TTLL10: variants seen among roughly 807,000 people sequenced by gnomAD.
The protein encoded by TTLL10 is tubulin tyrosine ligase like 10.
TTLL10 carries 61 observed loss-of-function variants against 69.0 expected under a neutral mutation model. The observed-to-expected ratio is 0.88, with a 90% CI of 0.72 to 1.09. The LOEUF (loss-of-function observed/expected upper bound fraction) is 1.09, where lower values mean the gene tolerates loss of function less well. Among genes scored for constraint, TTLL10 ranks in the 50% least tolerant of loss-of-function variants. The pLI is 0.00. For synonymous variants in TTLL10, 408 were observed against 393.3 expected, an observed-to-expected ratio of 1.04 and a Z score of -0.44; for missense variants, 962 against 945.9, an observed-to-expected ratio of 1.02 and a Z score of -0.22.
rs1258395443 is a variant in TTLL10, at chr1:1,181,701, C to T, written c.756-40C>T. The T allele has an allele frequency of 1.3e-6, 2 of 1,553,274 alleles. No individual in the cohort carries two copies. Among genetic ancestry groups the T allele is most frequent in the South Asian group, 2.4e-5 (2 of 84,172 alleles). On this transcript the variant is annotated intron_variant, in intron 8 of 15. Coordinates refer to ENST00000379289, the MANE Select transcript of TTLL10 (RefSeq NM_001130045.2). This position sits in a 1 kb window ranked among gnomAD's most constrained non-coding sequence, Gnocchi z 4.6. ...CCCCACCCGCTCCAAGCACCATGAG[C>T]TGGCCCCTCAGTCCAGGCCCTCTGT...
Position 1,183,046 on chromosome 1 carries a change from A to G in TTLL10, c.1087A>G (p.Arg363Gly). The change falls in exon 11 of 16, where the codon AGG becomes GGG. Residue 363 changes from arginine (R) to glycine (G), a missense_variant and splice_region_variant. By Grantham distance (125) the Arg-to-Gly change is moderately radical. Coordinates refer to ENST00000379289, the MANE Select transcript of TTLL10 (RefSeq NM_001130045.2). ...FRGPQARVVQRYIQNPLLVDG... is the reference protein window; with the variant it reads ...FRGPQARVVQGYIQNPLLVDG... Reference sequence around the variant, plus strand: ...GGGGCCTCAGGCGCGGGTGGTGCAGAGGTGCGGCGGCGGGTGCCCGGAGGG... The same window carrying G: ...GGGGCCTCAGGCGCGGGTGGTGCAGGGGTGCGGCGGCGGGTGCCCGGAGGG... 1 of 1,598,902 alleles carries G rather than the reference A, an allele frequency of 6.3e-7. No individual in the cohort carries two copies. Among genetic ancestry groups the G allele is most frequent in the East Asian group, 2.3e-5 (1 of 43,984 alleles).
chr1:1,197,272 A>C (rs1255693627), intron 15 of TTLL10, 86 bp downstream of exon 15: 1 of 1,313,782 alleles, frequency 7.6e-7, no homozygotes, highest in African/African-American at 1.8e-5. Context: ...TCAGACCCCC[A>C]CAGATGGGGC....
chr1:1,176,912 G>A (rs564283735), intron 3 of TTLL10, among the ~76,000 whole-genome samples: 1 of 152,292 alleles, frequency 6.6e-6, no homozygotes, highest in South Asian at 2.1e-4. Flanking sequence ...GCGGCTCTCT[G>A]AGGGGTCCTG....
In TTLL10 at chr1:1,197,846, AG is replaced by A; in HGVS notation, c.*3del. On this transcript the variant is annotated frameshift_variant and stop_lost, in exon 16 of 16. Coordinates refer to ENST00000379289, the MANE Select transcript of TTLL10 (RefSeq NM_001130045.2). LOFTEE classifies it high-confidence loss of function. ...GAGGAGCCTGAGAACGCGAGGCCCT[AG>A]GGGCAGCCACCCGCGCCCAGCGCCC... The part of the protein sequence containing the change: ...EREEPENARP[*>X] 6.8e-7 allele frequency: 1 copy of A among 1,473,344 alleles called. No individual in the cohort carries two copies. The allele number at this position is 1,473,344 out of a possible 1,614,324, so 91.3% of individuals were successfully genotyped here.
chr1:1,196,708 A>C lies in TTLL10; in HGVS notation c.1510A>C (p.Asn504His). Reference protein sequence around the residue: ...LIGCDFLIDDNFKVWLLEMNS... With the variant: ...LIGCDFLIDDHFKVWLLEMNS... ...TGGCTGTGACTTCCTGATTGATGAC[A>C]ACTTCAAGGTGCTGTCCTGGGCGGC... is the stretch of plus-strand genomic sequence containing the variant. The change falls in exon 14 of 16, where the codon AAC becomes CAC. Residue 504 changes from asparagine to histidine, a missense_variant. Physicochemically the swap from Asn to His is moderately conservative, Grantham distance 68. Transcript: ENST00000379289. 3 of 1,550,524 alleles carry C rather than the reference A, an allele frequency of 1.9e-6. No individual in the cohort carries two copies. The highest frequency in any genetic ancestry group is 2.6e-6 in the Non-Finnish European group (3 of 1,145,644).
Position 1,182,911 on chromosome 1 carries a change from A to G in TTLL10, c.952A>G (p.Asn318Asp), listed in dbSNP as rs1647119681. ...QIWICKPTAS[N>D]QGKGIFLLRN... is the part of the protein sequence containing the mutation. ...ATGGATCTGCAAGCCCACAGCCTCC[A>G]ACCAGGGCAAAGGCATCTTCCTGCT... is the stretch of plus-strand genomic sequence containing the variant. Residue 318 changes from asparagine (N) to aspartate (D), a missense_variant, in exon 11 of 16, where the codon AAC becomes GAC. Asn to Asp is a conservative substitution (Grantham distance 23). Coordinates refer to ENST00000379289, the MANE Select transcript of TTLL10 (RefSeq NM_001130045.2). 1 of 1,595,050 alleles carries G rather than the reference A, an allele frequency of 6.3e-7. No homozygotes were observed. Among genetic ancestry groups the G allele is most frequent in the Non-Finnish European group, 8.5e-7 (1 of 1,171,150 alleles).
chr1:1,180,639 G>C (rs748743938), intron 7 of TTLL10, 38 bp downstream of exon 7: 2 of 1,552,788 alleles, frequency 1.3e-6, no homozygotes, highest in Middle Eastern at 1.7e-4. Context: ...CAGCCTGCAG[G>C]GGCCTCCTGG....
At chr1:1,189,560 C>A (rs2100906079) in intron 13 of TTLL10, among the ~76,000 whole-genome samples, 1 of 152,270 alleles carries the variant, frequency 6.6e-6, no homozygotes, top group Non-Finnish European at 1.5e-5. Context: ...GTGTTCTTTT[C>A]TCGAATGTCT....
rs886459498 is a variant in TTLL10 at position 1,185,317 on chromosome 1, G to A, written c.1401+208G>A. On this transcript the variant is annotated intron_variant, in intron 13 of 15. Coordinates refer to ENST00000379289, the MANE Select transcript of TTLL10 (RefSeq NM_001130045.2). The surrounding 1 kb of genome is among the most constrained non-coding windows in gnomAD (Gnocchi z 6.1). ...CCCAGCAGCCAGCAAAGGCCCGGACGGAAAGCCCAGTCGGGGGTCTGTCGG... is the reference window on the plus strand; with the variant it reads ...CCCAGCAGCCAGCAAAGGCCCGGACAGAAAGCCCAGTCGGGGGTCTGTCGG... The A allele has an allele frequency of 1.8e-5, 25 of 1,392,578 alleles. No individual in the cohort carries two copies. Among genetic ancestry groups the A allele is most frequent in the African/African-American group, 1.3e-4 (9 of 68,054 alleles). 86.3% of individuals were successfully genotyped at this position (1,392,578 alleles called of 1,614,324 possible).
At position 1,179,659 on chromosome 1, in the gene TTLL10, ACCATC is replaced by A; in HGVS notation, c.124_128del (p.Ile42CysfsTer84). The A allele has an allele frequency of 6.4e-7, 1 of 1,550,892 alleles. No individual in the cohort carries two copies. Among genetic ancestry groups the A allele is most frequent in the Non-Finnish European group, 8.7e-7 (1 of 1,146,812 alleles). On this transcript the variant is annotated frameshift_variant, in exon 5 of 16. Transcript: ENST00000379289. LOFTEE classifies it high-confidence loss of function. ...ACATTGTGACCCCTGCCCTCCAGGG[ACCATC>A]CCTGCGTCACGTCTGCACCCAGCAC...
At position 1,182,454 on chromosome 1, in the gene TTLL10, G is replaced by A. The variant is rs371238699; in HGVS notation, c.916+8G>A. On this transcript the variant is annotated splice_region_variant and intron_variant, in intron 10 of 15. Transcript: ENST00000379289. ...TTTTCACCTTGTTTGATGGTGAGACGCTGCTGGCCGGACACCAGGCTGGCC... is the reference window on the plus strand; with the variant it reads ...TTTTCACCTTGTTTGATGGTGAGACACTGCTGGCCGGACACCAGGCTGGCC... The A allele has an allele frequency of 5.1e-5, 82 of 1,613,470 alleles. No homozygotes were observed. The highest frequency in any genetic ancestry group is 8.9e-5 in the East Asian group (4 of 44,870).
At chr1:1,178,968 G>A (rs1425709040) in intron 3 of TTLL10, among the ~76,000 whole-genome samples, 3 of 152,196 alleles carry the variant, frequency 2.0e-5, no homozygotes, top group Non-Finnish European at 2.9e-5. Flanking sequence ...GGACATGCCC[G>A]GCAGAGACAG....
chr1:1,175,468 G>A (rs540029127), intron 3 of TTLL10: 17 of 360,540 alleles, frequency 4.7e-5, no homozygotes, highest in Non-Finnish European at 7.1e-5. Flanking sequence ...ATATCATCCC[G>A]GCACGAATGA....
At chr1:1,176,408 A>G (rs768474719) in intron 3 of TTLL10, 1 of 455,112 alleles carries the variant, frequency 2.2e-6, no homozygotes. Flanking sequence ...TGGGGCACAC[A>G]GTCATCAGGT....
At chr1:1,186,830 G>GT (rs1227884016) in intron 13 of TTLL10, among the ~76,000 whole-genome samples, 1 of 148,690 alleles carries the variant, frequency 6.7e-6, no homozygotes, top group Admixed American at 7.0e-5. Flanking sequence ...AGTTGTGAAA[G>GT]TTTTTTTTGT....
chr1:1,183,477 A>AC, intron 11 of TTLL10, among the ~76,000 whole-genome samples: 1 of 151,718 alleles, frequency 6.6e-6, no homozygotes, highest in Non-Finnish European at 1.5e-5. Context: ...TGTCGACCTC[A>AC]CCCCCGGCCC....
At chr1:1,176,797 G>T (rs539123045) in intron 3 of TTLL10, among the ~76,000 whole-genome samples, 1 of 152,346 alleles carries the variant, frequency 6.6e-6, no homozygotes, top group Admixed American at 6.5e-5. Context: ...CCATCCCCAG[G>T]GTTCCCTTCT....
chr1:1,181,222 C>G lies in TTLL10; in HGVS notation c.755+362C>G, dbSNP rs1400132252. Among the ~76,000 whole-genome samples the G allele has an allele frequency of 6.6e-6, 1 of 151,862 alleles. No individual in the cohort carries two copies. Among genetic ancestry groups the G allele is most frequent in the African/African-American group, 2.4e-5 (1 of 41,296 alleles). On this transcript the variant is annotated intron_variant, in intron 8 of 15. Coordinates refer to ENST00000379289, the MANE Select transcript of TTLL10 (RefSeq NM_001130045.2). This position sits in a 1 kb window ranked among gnomAD's most constrained non-coding sequence, Gnocchi z 4.6. ...CTGACACCCACCCACCTGTCCATCT[C>G]ACAGACCCACCCAGGTACAACCCAC...
In TTLL10 at chr1:1,182,996, C is replaced by G. The variant is rs376372471; in HGVS notation, c.1037C>G (p.Pro346Arg). Residue 346 changes from proline (P) to arginine (R), a missense_variant, in exon 11 of 16, where the codon CCC becomes CGC. By Grantham distance (103) the Pro-to-Arg change is moderately radical. Transcript: ENST00000379289. Reference sequence around the variant, plus strand: ...AAGACCCGGAGCATGGAGGACGACCCCATCCACCACAAGACGCCGTTCCGG... The same window carrying G: ...AAGACCCGGAGCATGGAGGACGACCGCATCCACCACAAGACGCCGTTCCGG... ...QAKTRSMEDD[P>R]IHHKTPFRGP... is the part of the protein sequence containing the mutation. 2.5e-6 allele frequency: 4 copies of G among 1,609,834 alleles called. No individual in the cohort carries two copies. The highest frequency in any genetic ancestry group is 2.7e-5 in the African/African-American group (2 of 74,812).
Sources: gnomAD v4.1 joint callset for allele counts (sites outside exome capture counted in the v4.1 genomes callset) on GRCh38, gnomAD v4.1.1 for gene constraint, Gnocchi (gnomAD v3.1) non-coding constraint, MANE v1.5 for transcripts, NCBI Gene and HGNC (gene_info 2026-07-23, HGNC 2026-07-21) for gene names.